SESN2: variants seen among roughly 807,000 people sequenced by gnomAD.
SESN2 encodes sestrin 2.
Under a neutral mutation model 56.0 loss-of-function variants are expected in SESN2, and 42 were observed. That is an observed-to-expected ratio of 0.75 (90% CI 0.59 to 0.97). The LOEUF (loss-of-function observed/expected upper bound fraction) is 0.97, where lower values mean the gene tolerates loss of function less well. Ranked by LOEUF, SESN2 falls within the 50% of genes least tolerant of loss-of-function variation. The pLI, the probability that SESN2 is intolerant of heterozygous loss-of-function variation, is 0.00. For missense variants in SESN2, 507 were observed against 649.4 expected (o/e 0.78, Z 2.38); for synonymous variants, 264 against 267.1 (o/e 0.99, Z 0.11).
At chr1:28,260,544 C>T (rs1023093375) in intron 1 of SESN2, among the ~76,000 whole-genome samples, 1 of 152,172 alleles carries the variant, frequency 6.6e-6, no homozygotes, top group African/African-American at 2.4e-5. Flanking sequence ...GCCCGGTACG[C>T]GGCGGCGGCA....
At chr1:28,264,830 G>C (rs1647503001) in intron 1 of SESN2, among the ~76,000 whole-genome samples, 1 of 152,052 alleles carries the variant, frequency 6.6e-6, no homozygotes, top group Non-Finnish European at 1.5e-5. Context: ...TAGGCACTGG[G>C]GTAACAACAA....
chr1:28,264,854 G>T (rs1444869389), intron 1 of SESN2, among the ~76,000 whole-genome samples: 1 of 152,218 alleles, frequency 6.6e-6, no homozygotes, highest in Admixed American at 6.5e-5. Context: ...ACTAGATTCA[G>T]TGTGTGCCCC....
chr1:28,263,575 A>C (rs891112071), intron 1 of SESN2, among the ~76,000 whole-genome samples: 8 of 152,204 alleles, frequency 5.3e-5, no homozygotes, highest in Non-Finnish European at 1.2e-4. Context: ...CCAGGGACTT[A>C]CAGGCTCTAT....
intron 1 of SESN2, among the ~76,000 whole-genome samples, chr1:28,266,510 G>T (rs1647563585): frequency 6.6e-6 from 1 of 151,778 alleles, no homozygotes; most frequent in Admixed American, 6.6e-5. Context: ...ATAGCAGGTG[G>T]TGGAGCTGTC....
At position 28,272,484 on chromosome 1, in the gene SESN2, G is replaced by T. The variant is rs751196350; in HGVS notation, c.537+18G>T. On this transcript the variant is annotated intron_variant, in intron 4 of 9. Transcript: ENST00000253063. ...ACATCCAGGTGCAGGGGGCAGAGAG[G>T]CGGGTGTCTGAGGGAGCACAGAGGC... is the stretch of plus-strand genomic sequence containing the variant. 1.2e-6 allele frequency: 2 copies of T among 1,610,550 alleles called. No individual in the cohort carries two copies. Among genetic ancestry groups the T allele is most frequent in the Non-Finnish European group, 8.5e-7 (1 of 1,178,844 alleles).
chr1:28,280,666 G>C, intron 9 of SESN2, 50 bp from the exon 10 acceptor site: 1 of 1,408,238 alleles, frequency 7.1e-7, no homozygotes, highest in Admixed American at 1.7e-5. Flanking sequence ...GGAGGGGTGT[G>C]GGGGTGAGGA....
In SESN2 at chr1:28,271,717, T is replaced by A; in HGVS notation, c.200T>A (p.Leu67Gln). 6.2e-7 allele frequency: 1 copy of A among 1,614,248 alleles called. No homozygotes were observed. Among genetic ancestry groups the A allele is most frequent in the Non-Finnish European group, 8.5e-7 (1 of 1,180,040 alleles). ...GAESLEQHLG[L>Q]EALMSSGRVD... ...GAGAGCCTCGAGCAGCACCTGGGGC[T>A]GGAGGCACTGATGTCCTCTGGGCGA... Residue 67 changes from leucine to glutamine, a missense_variant, in exon 3 of 10, where the codon CTG (leucine) becomes CAG (glutamine). Physicochemically the swap from Leu to Gln is moderately radical, Grantham distance 113 (BLOSUM62 -2). Transcript: ENST00000253063.
chr1:28,266,430 C>T (rs1647561623), intron 1 of SESN2, among the ~76,000 whole-genome samples: 1 of 152,110 alleles, frequency 6.6e-6, no homozygotes, highest in African/African-American at 2.4e-5. Flanking sequence ...ATCCTCATCA[C>T]TGGCCAGTGG....
rs375259817 is a variant in SESN2 at position 28,269,174 on chromosome 1, T to C, written c.91-9T>C. ...CTACTACGGACTAACCTCATATGTT[T>C]CCTCCCAGGAGCAGAGGGAGAGCCG... On this transcript the variant is annotated splice_polypyrimidine_tract_variant and intron_variant, in intron 1 of 9. Transcript: ENST00000253063. The C allele has an allele frequency of 1.9e-6, 3 of 1,608,626 alleles. No homozygotes were observed. In the African/African-American group the frequency reaches 4.0e-5, roughly 22 times the overall value.
At chr1:28,279,262 G>A in intron 9 of SESN2, 21 bp downstream of exon 9, 2 of 1,613,426 alleles carry the variant, frequency 1.2e-6, no homozygotes, top group South Asian at 2.2e-5. Flanking sequence ...TACAGGCAGG[G>A]CAGGATGGAA....
intron 1 of SESN2, among the ~76,000 whole-genome samples, chr1:28,261,779 C>CT (rs35935502): frequency 0.036 from 4,682 of 129,584 alleles, 215 homozygotes; most frequent in African/African-American, 0.099. Context: ...TTTTTCTTAT[C>CT]TTTTTTTTTT....
intron 7 of SESN2, 62 bp downstream of exon 7, chr1:28,274,220 T>C (rs1192295710): frequency 2.8e-6 from 3 of 1,058,962 alleles, no homozygotes; most frequent in African/African-American, 3.1e-5. Context: ...AGTGGGTGGA[T>C]AGTTTGAGTA....
chr1:28,259,888 A>G lies in SESN2; in HGVS notation c.41A>G (p.Asp14Gly). Residue 14 changes from aspartate (D) to glycine (G), a missense_variant, in exon 1 of 10, where the codon GAC becomes GGC. Physicochemically the swap from Asp to Gly is moderately conservative, Grantham distance 94 (BLOSUM62 -1). Transcript: ENST00000253063. ...ADSECRAELK[D>G]YLRFAPGGVG... ...TCCGAGTGCCGCGCAGAGCTCAAGG[A>G]CTACCTGCGGTTCGCCCCGGGCGGC... 1 of 1,450,132 alleles carries G rather than the reference A, an allele frequency of 6.9e-7. No homozygotes were observed. Among genetic ancestry groups the G allele is most frequent in the South Asian group, 1.4e-5 (1 of 72,672 alleles). 89.8% of individuals were successfully genotyped at this position (1,450,132 alleles called of 1,614,324 possible).
intron 8 of SESN2, among the ~76,000 whole-genome samples, chr1:28,276,569 CCT>C (rs1648050760): frequency 2.3e-5 from 3 of 133,326 alleles, no homozygotes; most frequent in Non-Finnish European, 4.7e-5. Context: ...CTTTTTCTTT[CCT>C]TTTTTTTTTT....
intron 1 of SESN2, among the ~76,000 whole-genome samples, chr1:28,264,225 A>G (rs1647482229): frequency 6.6e-6 from 1 of 152,176 alleles, no homozygotes; most frequent in South Asian, 2.1e-4. Flanking sequence ...AGGCTGAGGC[A>G]GGAGAATTGC....
At chr1:28,273,966 T>G in intron 6 of SESN2, 74 bp from the exon 7 acceptor site, 2 of 984,174 alleles carry the variant, frequency 2.0e-6, no homozygotes, top group Non-Finnish European at 3.2e-6. Flanking sequence ...CCTCCCCCTT[T>G]TGGTGATTAA....
rs1647780000 is a variant in SESN2, at chr1:28,271,663, T to G, written c.157-11T>G. 6.2e-7 allele frequency: 1 copy of G among 1,612,358 alleles called. No individual in the cohort carries two copies. Among genetic ancestry groups the G allele is most frequent in the African/African-American group, 1.3e-5 (1 of 74,996 alleles). ...AGGGAAACCCATGCTCTCCTCCCCTTTGGTTGGCAGGTCCTTCGGGAGGGG... is the reference window on the plus strand; with the variant it reads ...AGGGAAACCCATGCTCTCCTCCCCTGTGGTTGGCAGGTCCTTCGGGAGGGG... On this transcript the variant is annotated splice_polypyrimidine_tract_variant and intron_variant, in intron 2 of 9. Transcript: ENST00000253063.
intron 2 of SESN2, among the ~76,000 whole-genome samples, chr1:28,269,472 A>G (rs1647679690): frequency 1.3e-5 from 2 of 151,220 alleles, no homozygotes; most frequent in Admixed American, 1.3e-4. Context: ...ATAGCCAGGT[A>G]GTGGCCAAAC....
At chr1:28,278,059 A>G (rs1409209800) in intron 8 of SESN2, among the ~76,000 whole-genome samples, 3 of 152,224 alleles carry the variant, frequency 2.0e-5, no homozygotes, top group Non-Finnish European at 4.4e-5. Context: ...ACTGGGGATA[A>G]CTAAGTGGCT....
Sources: allele counts gnomAD v4.1 joint callset (sites outside exome capture counted in the v4.1 genomes callset), GRCh38; gene constraint gnomAD v4.1.1; transcripts MANE v1.5; gene names NCBI Gene and HGNC (gene_info 2026-07-23, HGNC 2026-07-21).